Variants in SV2C observed in about 807,000 individuals in gnomAD.
The protein encoded by SV2C is solute carrier family 22 member B3.
A neutral mutation model predicts 79.7 loss-of-function variants in SV2C; 49 were observed. That is an observed-to-expected ratio of 0.61 (90% CI 0.49 to 0.78). SV2C has a LOEUF of 0.78. Ranked by LOEUF, SV2C falls within the 30% of genes least tolerant of loss-of-function variation. The pLI, the probability that SV2C is intolerant of heterozygous loss-of-function variation, is 0.00. For missense variants in SV2C, 833 were observed against 912.9 expected, an observed-to-expected ratio of 0.91 and a Z score of 1.13; for synonymous variants, 334 against 333.2, an observed-to-expected ratio of 1.00 and a Z score of -0.03.
At chr5:76,115,064 A>G (rs1054110964) in intron 1 of SV2C, among the ~76,000 whole-genome samples, 3 of 152,158 alleles carry the variant, frequency 2.0e-5, no homozygotes, top group African/African-American at 7.2e-5. Context: ...CTGACTCATA[A>G]ACAAACTCAC....
chr5:76,111,330 TA>T (rs1207620008), intron 1 of SV2C, among the ~76,000 whole-genome samples: 1 of 152,218 alleles, frequency 6.6e-6, no homozygotes, highest in African/African-American at 2.4e-5. Flanking sequence ...CTGCCTGTCT[TA>T]AGGAATCATG....
chr5:75,887,804 T>C, the SV2C span, among the ~76,000 whole-genome samples: 1 of 152,070 alleles, frequency 6.6e-6, no homozygotes, highest in Non-Finnish European at 1.5e-5. Flanking sequence ...AAAACAAGAA[T>C]AAGCTATCTT....
intron 4 of SV2C, chr5:76,281,391 G>C: frequency 4.4e-6 from 1 of 228,758 alleles, no homozygotes; most frequent in South Asian, 5.3e-5. Flanking sequence ...AACTTGTTAT[G>C]CAAAGTAAAA....
At chr5:76,234,085 A>G (rs1215091683) in intron 4 of SV2C, among the ~76,000 whole-genome samples, 1 of 152,200 alleles carries the variant, frequency 6.6e-6, no homozygotes. Context: ...TTTGCTTAAT[A>G]TGTCATGGAT....
intron 1 of SV2C, among the ~76,000 whole-genome samples, chr5:76,108,614 C>G (rs1254432210): frequency 6.6e-6 from 1 of 152,078 alleles, no homozygotes; most frequent in Non-Finnish European, 1.5e-5. Flanking sequence ...AATAAATACC[C>G]GTATTCCATC....
chr5:76,254,396 G>C (rs1746209210), intron 4 of SV2C, among the ~76,000 whole-genome samples: 1 of 151,962 alleles, frequency 6.6e-6, no homozygotes, highest in Non-Finnish European at 1.5e-5. Flanking sequence ...GGTGGAAGTG[G>C]TTCTGAGAGC....
At chr5:75,984,559 ATC>A in the SV2C span, among the ~76,000 whole-genome samples, 26,641 of 98,502 alleles carry the variant, frequency 0.27, 2,640 homozygotes, top group Admixed American at 0.34. Context: ...CTATCTATCT[ATC>A]TATCTATATC....
At chr5:76,192,521 G>A (rs1297086581) in intron 2 of SV2C, among the ~76,000 whole-genome samples, 1 of 152,166 alleles carries the variant, frequency 6.6e-6, no homozygotes, top group East Asian at 1.9e-4. Context: ...AGTTTTCAAG[G>A]ACTCCCCGTT....
chr5:75,867,392 G>A, the SV2C span, among the ~76,000 whole-genome samples: 1 of 152,142 alleles, frequency 6.6e-6, no homozygotes, highest in Non-Finnish European at 1.5e-5. Flanking sequence ...GGCGGACCAC[G>A]GCTCCTTCTC....
At chr5:75,884,501 C>T in the SV2C span, among the ~76,000 whole-genome samples, 481 of 152,232 alleles carry the variant, frequency 3.2e-3, no homozygotes, top group Non-Finnish European at 4.8e-3. Context: ...CTTGCCTTTT[C>T]TAACTATTGG....
chr5:76,337,920 T>C (rs924604361), downstream of SV2C, among the ~76,000 whole-genome samples: 1 of 152,174 alleles, frequency 6.6e-6, no homozygotes, highest in African/African-American at 2.4e-5. Flanking sequence ...AGCAGCCTTC[T>C]CTGTGAGCCT....
At chr5:75,932,149 C>T in the SV2C span, among the ~76,000 whole-genome samples, 2 of 152,224 alleles carry the variant, frequency 1.3e-5, no homozygotes, top group Non-Finnish European at 1.5e-5. Flanking sequence ...ATGTCTTCAA[C>T]AGTCAGCCCC....
the SV2C span, among the ~76,000 whole-genome samples, chr5:76,049,056 G>A: frequency 3.0e-5 from 4 of 132,936 alleles, no homozygotes; most frequent in Non-Finnish European, 6.6e-5. Context: ...GGAGGGGAGG[G>A]GCTGGGCGCG....
At chr5:76,340,264 T>C (rs946819401) in intron 12 of SV2C, among the ~76,000 whole-genome samples, 1 of 152,202 alleles carries the variant, frequency 6.6e-6, no homozygotes, top group African/African-American at 2.4e-5. Context: ...AGCATATAAG[T>C]AAGAAATAAC....
At chr5:75,877,736 T>C in the SV2C span, among the ~76,000 whole-genome samples, 1 of 152,006 alleles carries the variant, frequency 6.6e-6, no homozygotes, top group South Asian at 2.1e-4. Flanking sequence ...CAGAATGATA[T>C]GGTTTGAATA....
intron 1 of SV2C, among the ~76,000 whole-genome samples, chr5:76,099,939 T>C (rs1392480143): frequency 6.6e-6 from 1 of 152,194 alleles, no homozygotes; most frequent in Non-Finnish European, 1.5e-5. Flanking sequence ...TAGATGTAAA[T>C]TCTGGCTCTT....
the SV2C span, among the ~76,000 whole-genome samples, chr5:76,014,196 G>C: frequency 7.0e-6 from 1 of 143,418 alleles, no homozygotes; most frequent in Non-Finnish European, 1.5e-5. Flanking sequence ...AAGAAGGAAA[G>C]AGAAAGAAAG....
the SV2C span, among the ~76,000 whole-genome samples, chr5:76,034,298 T>G: frequency 8.9e-4 from 136 of 152,066 alleles, no homozygotes; most frequent in African/African-American, 2.1e-3. Context: ...GAATAGGAGT[T>G]GTGAGAGAGG....
At chr5:76,285,726 C>G in intron 5 of SV2C, 55 bp from the exon 6 acceptor site, 1 of 1,473,200 alleles carries the variant, frequency 6.8e-7, no homozygotes, top group Middle Eastern at 1.7e-4. Flanking sequence ...ATTGGAAAAT[C>G]AGGGAGGGTA....
Sources: gnomAD v4.1 joint callset for allele counts (sites outside exome capture counted in the v4.1 genomes callset) on GRCh38, gnomAD v4.1.1 for gene constraint, MANE v1.5 for transcripts, NCBI Gene and HGNC (gene_info 2026-07-23, HGNC 2026-07-21) for gene names.